Variants in ARHGEF28 observed in about 807,000 individuals in gnomAD.
The protein encoded by ARHGEF28 is 190 kDa guanine nucleotide exchange factor.
Under a neutral mutation model 206.6 loss-of-function variants are expected in ARHGEF28, and 152 were observed. The ratio of observed to expected loss-of-function variants is 0.74; its 90% CI spans 0.64 to 0.84. ARHGEF28 has a LOEUF of 0.84. Among genes scored for constraint, ARHGEF28 ranks in the 40% least tolerant of loss-of-function variants. The pLI, the probability that ARHGEF28 is intolerant of heterozygous loss-of-function variation, is 0.00. For missense variants in ARHGEF28, 2,028 were observed against 2,073.2 expected (o/e 0.98, Z 0.42); for synonymous variants, 763 against 776.4 (o/e 0.98, Z 0.29).
At chr5:73,839,377 G>A (rs1017437721) in intron 10 of ARHGEF28, among the ~76,000 whole-genome samples, 2 of 152,204 alleles carry the variant, frequency 1.3e-5, no homozygotes, top group Admixed American at 1.3e-4. Flanking sequence ...GATGATGCTC[G>A]ATGATTTAGG....
At chr5:73,691,319 A>T (rs182292733) in intron 2 of ARHGEF28, among the ~76,000 whole-genome samples, 1 of 151,346 alleles carries the variant, frequency 6.6e-6, no homozygotes, top group Non-Finnish European at 1.5e-5. Context: ...ACACACACAC[A>T]CTCATGATAT....
chr5:73,871,003 G>A (rs956690145), intron 21 of ARHGEF28, among the ~76,000 whole-genome samples: 2 of 152,192 alleles, frequency 1.3e-5, no homozygotes, highest in African/African-American at 4.8e-5. Flanking sequence ...GACATCAGAT[G>A]AGATGGTGTA....
chr5:73,776,745 GCAGGCATCAATTTCTTATTATGAGAA>G, intron 6 of ARHGEF28, 49 bp downstream of exon 6: 1 of 1,500,658 alleles, frequency 6.7e-7, no homozygotes, highest in Non-Finnish European at 9.0e-7. Flanking sequence ...TTCAGAGAAT[GCAGGCATCAATTTCTTATTATGAGAA>G]CAGTGTTTTT....
intron 11 of ARHGEF28, among the ~76,000 whole-genome samples, chr5:73,845,844 C>G (rs531429433): frequency 6.6e-6 from 1 of 151,568 alleles, no homozygotes. Context: ...AAAAATTGGC[C>G]GGGCGTGGTG....
At chr5:73,803,560 G>T (rs1034720919) in intron 9 of ARHGEF28, 1 of 163,744 alleles carries the variant, frequency 6.1e-6, no homozygotes, top group South Asian at 1.8e-4. Flanking sequence ...ACTACTGACC[G>T]AATGACAGAG....
Position 73,846,351 on chromosome 5 carries a change from A to T in ARHGEF28, c.1511A>T (p.Gln504Leu). The T allele has an allele frequency of 1.9e-6, 3 of 1,613,912 alleles. No homozygotes were observed. Among genetic ancestry groups the T allele is most frequent in the Non-Finnish European group, 2.5e-6 (3 of 1,179,824 alleles). The change falls in exon 12 of 36, where the codon CAG (glutamine) becomes CTG (leucine). Residue 504 changes from glutamine (Q) to leucine (L), a missense_variant. This residue lies in a region of ARHGEF28 where 1,002 missense variants were observed against 1,015.3 expected (regional missense o/e 0.99). Coordinates refer to ENST00000513042, the MANE Select transcript of ARHGEF28 (RefSeq NM_001177693.2). ...CACATCTGTTACACTCCAGGGTCTC[A>T]GAGCTCCTCAAGAACTGGGATTCCT... ...PSHICYTPGS[Q>L]SSSRTGIPSG...
intron 9 of ARHGEF28, among the ~76,000 whole-genome samples, chr5:73,798,559 G>T (rs982652803): frequency 6.6e-6 from 1 of 152,174 alleles, no homozygotes; most frequent in Admixed American, 6.5e-5. Context: ...GCTGTAAGGG[G>T]TCGGCATTTT....
Position 73,840,751 on chromosome 5 carries a change from A to G in ARHGEF28, c.1418A>G (p.Lys473Arg). 1 of 1,608,328 alleles carries G rather than the reference A, an allele frequency of 6.2e-7. No homozygotes were observed. Among genetic ancestry groups the G allele is most frequent in the African/African-American group, 1.3e-5 (1 of 75,006 alleles). The change falls in exon 11 of 36, where the codon AAG (lysine) becomes AGG (arginine). Residue 473 changes from lysine (K) to arginine (R), a missense_variant. Physicochemically the swap from Lys to Arg is conservative, Grantham distance 26. Around this residue, in one of 3 missense-constraint regions of ARHGEF28, gnomAD observed 1,002 missense variants for 1,015.3 expected, o/e 0.99. Transcript: ENST00000513042. ...TTTGAAAAGGAACAAAGTCATCTAAAGAAAAGAAGGTAAGAGTCTATATTG... is the reference window on the plus strand; with the variant it reads ...TTTGAAAAGGAACAAAGTCATCTAAGGAAAAGAAGGTAAGAGTCTATATTG... ...HGFEKEQSHL[K>R]KRSSSLDALD...
chr5:73,631,393 G>T (rs1743356822), intron 1 of ARHGEF28, among the ~76,000 whole-genome samples: 1 of 152,114 alleles, frequency 6.6e-6, no homozygotes, highest in Non-Finnish European at 1.5e-5. Flanking sequence ...GTATGATCAG[G>T]TGTTAGAGTT....
intron 10 of ARHGEF28, among the ~76,000 whole-genome samples, chr5:73,837,693 C>T (rs111253665): frequency 0.055 from 8,334 of 151,122 alleles, 346 homozygotes; most frequent in African/African-American, 0.11. Flanking sequence ...AATTTTCTTT[C>T]GTTCTCTTTC....
chr5:73,736,242 C>T (rs1169789591), intron 2 of ARHGEF28, among the ~76,000 whole-genome samples: 1 of 152,162 alleles, frequency 6.6e-6, no homozygotes, highest in Non-Finnish European at 1.5e-5. Flanking sequence ...AGGAAATGGT[C>T]ACGGAGCCAA....
intron 9 of ARHGEF28, among the ~76,000 whole-genome samples, chr5:73,810,143 C>T (rs1450034684): frequency 2.0e-5 from 3 of 152,200 alleles, no homozygotes; most frequent in Non-Finnish European, 4.4e-5. Flanking sequence ...CTATTTTTGA[C>T]TTCACTTTCT....
intron 26 of ARHGEF28, among the ~76,000 whole-genome samples, chr5:73,890,657 A>G (rs1580055773): frequency 6.6e-6 from 1 of 152,164 alleles, no homozygotes; most frequent in Non-Finnish European, 1.5e-5. Context: ...AGCCTCTGAT[A>G]TGGCCAAGCT....
chr5:73,843,448 G>A (rs1028969456), intron 11 of ARHGEF28, among the ~76,000 whole-genome samples: 5 of 152,178 alleles, frequency 3.3e-5, no homozygotes, highest in African/African-American at 7.2e-5. Context: ...GAAAGCCCTG[G>A]GGTGGCTGTG....
rs144170170 is a variant in ARHGEF28 at position 73,724,170 on chromosome 5, A to G, written c.34-25667A>G. Among the ~76,000 whole-genome samples the G allele has an allele frequency of 1.8e-4, 27 of 152,340 alleles. No homozygotes were observed. In the East Asian group the frequency reaches 4.2e-3, roughly 24 times the overall value. ...CAAAGGTTGATGAAACAGCTAGCAC[A>G]GTGTCTGATTTGTCATGGGTGTTCA... On this transcript the variant is annotated intron_variant, in intron 2 of 35. Transcript: ENST00000513042.
In ARHGEF28 at chr5:73,828,753, C is replaced by T. The variant is rs566852984; in HGVS notation, c.1025-3585C>T. 9.3e-5 allele frequency among the ~76,000 whole-genome samples: 14 copies of T among 150,304 alleles called. No homozygotes were observed. In the South Asian group the frequency reaches 3.0e-3, roughly 32 times the overall value. On this transcript the variant is annotated intron_variant, in intron 9 of 35. Transcript: ENST00000513042. The stretch of plus-strand genomic sequence containing the variant: ...CTGTCTTTCTCTTTCTTTCTCTCTT[C>T]CTCTCTTTCTGTCCTTCCTTCCTTT...
At chr5:73,893,756 C>A (rs193030553) in intron 28 of ARHGEF28, among the ~76,000 whole-genome samples, 52 of 152,270 alleles carry the variant, frequency 3.4e-4, no homozygotes, top group African/African-American at 1.3e-3. Flanking sequence ...CTGGGCCTCA[C>A]CCTCCACCGA....
chr5:73,774,668 A>C (rs997259038), intron 5 of ARHGEF28, among the ~76,000 whole-genome samples: 2 of 152,248 alleles, frequency 1.3e-5, no homozygotes. Context: ...TGAGGGTATC[A>C]ACACTTCCAG....
intron 9 of ARHGEF28, among the ~76,000 whole-genome samples, chr5:73,806,529 ATATATC>A (rs1212859136): frequency 2.5e-5 from 3 of 119,244 alleles, no homozygotes; most frequent in Admixed American, 8.2e-5. Context: ...TGTATATAGT[ATATATC>A]TATATATAGT....
Sources: allele counts gnomAD v4.1 joint callset (sites outside exome capture counted in the v4.1 genomes callset), GRCh38; gene constraint gnomAD v4.1.1; regional missense constraint gnomAD v4.1.1; transcripts MANE v1.5; gene names NCBI Gene and HGNC (gene_info 2026-07-23, HGNC 2026-07-21).